Variants in ASPSCR1 observed in about 807,000 individuals in gnomAD.
ASPSCR1 encodes the protein tether containing UBX domain for GLUT4.
ASPSCR1 carries 55 observed loss-of-function variants against 68.9 expected under a neutral mutation model. The observed-to-expected ratio is 0.80, with a 90% CI of 0.64 to 1.00. ASPSCR1 has a LOEUF of 1.00. Among genes scored for constraint, ASPSCR1 ranks in the 50% least tolerant of loss-of-function variants. The probability of loss-of-function intolerance (pLI) is 0.00; values close to 1 mark genes in which losing one functional copy is unlikely to be tolerated. For synonymous variants in ASPSCR1, 352 were observed against 332.6 expected (o/e 1.06, Z -0.63); for missense variants, 765 against 762.2 (o/e 1.00, Z -0.04).
intron 4 of ASPSCR1, among the ~76,000 whole-genome samples, chr17:81,988,899 A>T (rs1445224224): frequency 6.6e-6 from 1 of 152,114 alleles, no homozygotes; most frequent in Admixed American, 6.6e-5. Context: ...GGAATTTAAG[A>T]TAGGGCTTCT....
chr17:81,985,755 G>T (rs1410368359), intron 4 of ASPSCR1, 148 bp downstream of exon 4: 2 of 724,370 alleles, frequency 2.8e-6, no homozygotes, highest in Admixed American at 5.7e-5. Context: ...TAGAGGAGGG[G>T]TGTGTGGGCT....
In ASPSCR1 at chr17:81,984,000, G is replaced by C. The variant is rs999126835; in HGVS notation, c.273+332G>C. The stretch of plus-strand genomic sequence containing the variant: ...CTCCCGAGTAGCTAGGACTACAGGT[G>C]CCCGCCACCACACCCGGCTAATTTT... On this transcript the variant is annotated intron_variant, in intron 3 of 15. Coordinates refer to ENST00000306739, the MANE Select transcript of ASPSCR1 (RefSeq NM_024083.4). The surrounding 1 kb of genome is among the most constrained non-coding windows in gnomAD (Gnocchi z 4.4). 2.0e-5 allele frequency among the ~76,000 whole-genome samples: 3 copies of C among 151,968 alleles called. No individual in the cohort carries two copies. Among genetic ancestry groups the C allele is most frequent in the Admixed American group, 1.3e-4 (2 of 15,262 alleles).
chr17:82,010,087 G>GTTT (rs372050513), intron 9 of ASPSCR1: 8,974 of 264,836 alleles, frequency 0.034, 8 homozygotes, highest in South Asian at 0.054. Flanking sequence ...AATTTTTGTT[G>GTTT]TTTTTTTTTT....
intron 7 of ASPSCR1, among the ~76,000 whole-genome samples, chr17:82,004,044 G>T (rs2042624238): frequency 6.6e-6 from 1 of 152,258 alleles, no homozygotes; most frequent in African/African-American, 2.4e-5. Flanking sequence ...AAACTCTGAG[G>T]TTGGGGCCAC....
At chr17:81,995,259 A>C in intron 5 of ASPSCR1, 51 of 297,816 alleles carry the variant, frequency 1.7e-4, no homozygotes, top group East Asian at 4.5e-4. Flanking sequence ...TTTTGTTTCC[A>C]CGCTGGCTGA....
At chr17:82,009,676 G>C (rs2042850587) in intron 9 of ASPSCR1, 109 bp downstream of exon 9, 1 of 805,898 alleles carries the variant, frequency 1.2e-6, no homozygotes, top group Non-Finnish European at 1.9e-6. Flanking sequence ...CGGGCCCCCT[G>C]TGAGGTCTGT....
intron 2 of ASPSCR1, among the ~76,000 whole-genome samples, chr17:81,979,864 C>T (rs1307842373): frequency 2.6e-5 from 4 of 152,214 alleles, no homozygotes; most frequent in Non-Finnish European, 4.4e-5. Context: ...GGGCTTCTGC[C>T]AGACTCTCAA....
In ASPSCR1 at chr17:81,983,752, G is replaced by C; in HGVS notation, c.273+84G>C. On this transcript the variant is annotated intron_variant, in intron 3 of 15. Transcript: ENST00000306739. This position sits in a 1 kb window ranked among gnomAD's most constrained non-coding sequence, Gnocchi z 4.4. ...GGGACGGGGGACGGGACAGTGGGGG[G>C]TGCTGGGGAAGGAGGGACATGAGTC... The C allele has an allele frequency of 8.4e-7, 1 of 1,197,234 alleles. No homozygotes were observed. The highest frequency in any genetic ancestry group is 1.2e-6 in the Non-Finnish European group (1 of 836,044). 74.2% of individuals were successfully genotyped at this position (1,197,234 alleles called of 1,614,324 possible). A position where few individuals can be genotyped will look rare whatever the true frequency, so the allele number is the denominator to read the frequency against.
intron 7 of ASPSCR1, among the ~76,000 whole-genome samples, chr17:82,001,131 A>G (rs2042515852): frequency 6.6e-6 from 1 of 152,034 alleles, no homozygotes; most frequent in African/African-American, 2.4e-5. Context: ...AGCCTGTCCC[A>G]GGGTTTTGGG....
chr17:81,978,860 A>G, intron 1 of ASPSCR1: 1 of 409,060 alleles, frequency 2.4e-6, no homozygotes, highest in South Asian at 2.7e-5. Context: ...AGTTTAAGGC[A>G]GGTTGCAGAA....
At position 82,016,879 on chromosome 17, in the gene ASPSCR1, G is replaced by C. The variant is rs200964753; in HGVS notation, c.1475+10G>C. ...ATGTGCTGGTGGCCAGGTAAGTGCC[G>C]GTGGGTCTGGGGGCACCTCCCGTGG... On this transcript the variant is annotated intron_variant, in intron 14 of 15. Transcript: ENST00000306739. 102 of 1,612,540 alleles carry C rather than the reference G, an allele frequency of 6.3e-5. No homozygotes were observed. In the East Asian group the frequency reaches 1.1e-3, roughly 17 times the overall value.
chr17:81,980,613 C>G (rs1195430854), intron 2 of ASPSCR1, among the ~76,000 whole-genome samples: 1 of 152,192 alleles, frequency 6.6e-6, no homozygotes, highest in Non-Finnish European at 1.5e-5. Context: ...TGCAGGGTGG[C>G]CATTCTAACA....
Position 82,017,381 on chromosome 17 carries a change from G to GTAT in ASPSCR1, c.*59_*60insTAT. 1 of 1,610,680 alleles carries GTAT rather than the reference G, an allele frequency of 6.2e-7. No homozygotes were observed. Among genetic ancestry groups the GTAT allele is most frequent in the South Asian group, 1.1e-5 (1 of 91,072 alleles). ...CACAGGACCACCTCCTCTGCCAGCA[G>GTAT]GAATAAAGACTTGTGCATCCCTCAA... is the stretch of plus-strand genomic sequence containing the variant. On this transcript the variant is annotated 3_prime_UTR_variant, in exon 16 of 16. Coordinates refer to ENST00000306739, the MANE Select transcript of ASPSCR1 (RefSeq NM_024083.4).
At chr17:82,015,654 C>G (rs1284549489) in intron 12 of ASPSCR1, 6 of 453,742 alleles carry the variant, frequency 1.3e-5, no homozygotes, top group Non-Finnish European at 2.4e-5. Context: ...GGCAGTGTCC[C>G]CTGGGCTTCT....
chr17:81,988,402 C>G (rs1451584276), intron 4 of ASPSCR1, among the ~76,000 whole-genome samples: 1 of 150,660 alleles, frequency 6.6e-6, no homozygotes, highest in Non-Finnish European at 1.5e-5. Flanking sequence ...TTGTAGTGAG[C>G]TGAGATTGCG....
At position 82,011,604 on chromosome 17, in the gene ASPSCR1, G is replaced by A. The variant is rs762736907; in HGVS notation, c.1299G>A (p.Leu433=). The A allele has an allele frequency of 2.5e-5, 40 of 1,601,718 alleles. No homozygotes were observed. Among genetic ancestry groups the A allele is most frequent in the Non-Finnish European group, 3.3e-5 (39 of 1,175,818 alleles). ...HLGNPELSFY[L]FITPPKTVLD... is the part of the protein sequence containing the mutation. ...GGAACCCCGAGCTGTCATTTTACCT[G>A]TGTACGTTTTTTCTCCTGAGCCCAC... The change falls in exon 11 of 16, where the codon CTG becomes CTA. Residue 433 remains leucine, a splice_region_variant and synonymous_variant. Coordinates refer to ENST00000306739, the MANE Select transcript of ASPSCR1 (RefSeq NM_024083.4).
At chr17:82,004,310 CGTCCTTTCT>C (rs1567981472) in intron 7 of ASPSCR1, 1 of 152,366 alleles carries the variant, frequency 6.6e-6, no homozygotes, top group African/African-American at 2.4e-5. Flanking sequence ...TAGTCCTGCC[CGTCCTTTCT>C]GGCCTTTCTC....
At position 82,011,583 on chromosome 17, in the gene ASPSCR1, C is replaced by T; in HGVS notation, c.1278C>T (p.Asn426=). The T allele has an allele frequency of 6.3e-7, 1 of 1,589,130 alleles. No homozygotes were observed. Among genetic ancestry groups the T allele is most frequent in the South Asian group, 1.1e-5 (1 of 87,318 alleles). ...LRDFVRSHLG[N]PELSFYLFIT... ...ACTTCGTGAGGAGCCACCTGGGGAA[C>T]CCCGAGCTGTCATTTTACCTGTGTA... Residue 426 remains asparagine, a synonymous_variant, in exon 11 of 16, where the codon AAC becomes AAT. Coordinates refer to ENST00000306739, the MANE Select transcript of ASPSCR1 (RefSeq NM_024083.4).
rs1598398900 is a variant in ASPSCR1 at position 81,990,632 on chromosome 17, G to A, written c.375-4189G>A. Among the ~76,000 whole-genome samples, 1 of 152,284 alleles carries A rather than the reference G, an allele frequency of 6.6e-6. No individual in the cohort carries two copies. Among genetic ancestry groups the A allele is most frequent in the Non-Finnish European group, 1.5e-5 (1 of 68,024 alleles). Reference sequence around the variant, plus strand: ...CCTGGTGGGCCTGTGTCTAGTTTGAGATCTTTATTACGGGGAGTGTGCCTT... The same window carrying A: ...CCTGGTGGGCCTGTGTCTAGTTTGAAATCTTTATTACGGGGAGTGTGCCTT... On this transcript the variant is annotated intron_variant, in intron 4 of 15. Transcript: ENST00000306739. This position sits in a 1 kb window ranked among gnomAD's most constrained non-coding sequence, Gnocchi z 4.1.
Sources: gnomAD v4.1 joint callset for allele counts (sites outside exome capture counted in the v4.1 genomes callset) on GRCh38, gnomAD v4.1.1 for gene constraint, Gnocchi (gnomAD v3.1) non-coding constraint, MANE v1.5 for transcripts, NCBI Gene and HGNC (gene_info 2026-07-23, HGNC 2026-07-21) for gene names.